Variants in DNAJC1 observed in about 807,000 individuals in gnomAD.
DNAJC1 encodes the protein dnaJ homolog subfamily C member 1.
Under a neutral mutation model 76.6 loss-of-function variants are expected in DNAJC1, and 58 were observed. That is an observed-to-expected ratio of 0.76 (90% CI 0.61 to 0.94). DNAJC1 has a LOEUF of 0.94. DNAJC1 is among the 40% of genes least tolerant of loss of function. The probability of loss-of-function intolerance (pLI) is 0.00; values close to 1 mark genes in which losing one functional copy is unlikely to be tolerated. For synonymous variants in DNAJC1, 258 were observed against 267.9 expected, an observed-to-expected ratio of 0.96 and a Z score of 0.36; for missense variants, 689 against 677.3, an observed-to-expected ratio of 1.02 and a Z score of -0.19.
chr10:21,857,978 A>C (rs753326290), intron 8 of DNAJC1, among the ~76,000 whole-genome samples: 1 of 152,194 alleles, frequency 6.6e-6, no homozygotes, highest in African/African-American at 2.4e-5. Context: ...ACATTAGTGC[A>C]ATTCTTACTG....
chr10:21,995,022 A>C (rs905944725), intron 1 of DNAJC1, among the ~76,000 whole-genome samples: 2 of 151,204 alleles, frequency 1.3e-5, no homozygotes, highest in African/African-American at 4.8e-5. Flanking sequence ...TTTAAGTCAG[A>C]AAAGAACCTA....
chr10:21,813,216 C>CTATATATA (rs1288966176), intron 8 of DNAJC1, among the ~76,000 whole-genome samples: 7 of 35,534 alleles, frequency 2.0e-4, no homozygotes, highest in African/African-American at 2.9e-4. Flanking sequence ...CTCTCTCTCT[C>CTATATATA]TCTCTATATA....
At chr10:21,896,743 G>C (rs1246064772) in intron 7 of DNAJC1, among the ~76,000 whole-genome samples, 2 of 151,988 alleles carry the variant, frequency 1.3e-5, no homozygotes, top group East Asian at 1.9e-4. Flanking sequence ...GAAGGGGGGG[G>C]TTCAGAAGTG....
At chr10:21,819,333 A>C (rs963414118) in intron 8 of DNAJC1, among the ~76,000 whole-genome samples, 4 of 152,078 alleles carry the variant, frequency 2.6e-5, no homozygotes, top group Admixed American at 2.6e-4. Context: ...CCCAGGAGGC[A>C]GAGGTTGCAG....
At chr10:21,870,707 C>G (rs1191510890) in intron 8 of DNAJC1, among the ~76,000 whole-genome samples, 1 of 151,954 alleles carries the variant, frequency 6.6e-6, no homozygotes, top group Non-Finnish European at 1.5e-5. Flanking sequence ...CCTGGGAGTT[C>G]AAGGCTGCAG....
chr10:21,921,628 T>A (rs1417237843), intron 3 of DNAJC1, among the ~76,000 whole-genome samples: 1 of 152,008 alleles, frequency 6.6e-6, no homozygotes, highest in Non-Finnish European at 1.5e-5. Context: ...AACTGTTTAT[T>A]TGTAAACAAT....
chr10:21,943,329 G>A (rs1837451476), intron 1 of DNAJC1, among the ~76,000 whole-genome samples: 1 of 152,200 alleles, frequency 6.6e-6, no homozygotes, highest in South Asian at 2.1e-4. Context: ...GGCAAGTAAA[G>A]TAGATAATTC....
chr10:21,906,360 C>A (rs556828852), intron 6 of DNAJC1, among the ~76,000 whole-genome samples: 1 of 151,674 alleles, frequency 6.6e-6, no homozygotes, highest in South Asian at 2.1e-4. Context: ...TCCCCACCCC[C>A]CTTAAAAAAA....
chr10:21,976,896 C>A (rs1838075270), intron 1 of DNAJC1, among the ~76,000 whole-genome samples: 1 of 152,150 alleles, frequency 6.6e-6, no homozygotes, highest in South Asian at 2.1e-4. Flanking sequence ...CCGGCCCACC[C>A]ACTAGGCTCC....
intron 9 of DNAJC1, among the ~76,000 whole-genome samples, chr10:21,782,106 G>A (rs2131628463): frequency 6.6e-6 from 1 of 152,250 alleles, no homozygotes; most frequent in African/African-American, 2.4e-5. Context: ...GAATCCAGAA[G>A]CTGGTTTTTT....
intron 1 of DNAJC1, among the ~76,000 whole-genome samples, chr10:21,934,994 A>G (rs2131787707): frequency 6.6e-6 from 1 of 152,300 alleles, no homozygotes; most frequent in South Asian, 2.1e-4. Flanking sequence ...AACACCAACT[A>G]TAATAAGCAG....
intron 8 of DNAJC1, among the ~76,000 whole-genome samples, chr10:21,852,284 C>A (rs1432761243): frequency 6.6e-6 from 1 of 151,944 alleles, no homozygotes; most frequent in African/African-American, 2.4e-5. Flanking sequence ...TTCATAGAGA[C>A]AAAATGCAGA....
At chr10:21,893,064 G>A (rs1250450150) in intron 7 of DNAJC1, among the ~76,000 whole-genome samples, 1 of 152,074 alleles carries the variant, frequency 6.6e-6, no homozygotes, top group Non-Finnish European at 1.5e-5. Flanking sequence ...CACCACAGCA[G>A]AATACACATT....
At chr10:21,981,469 C>A (rs1234852033) in intron 1 of DNAJC1, among the ~76,000 whole-genome samples, 1 of 152,016 alleles carries the variant, frequency 6.6e-6, no homozygotes, top group Non-Finnish European at 1.5e-5. Context: ...TTGGGCTGGG[C>A]CTTTAAGAAT....
At chr10:21,956,021 T>C (rs1837674949) in intron 1 of DNAJC1, among the ~76,000 whole-genome samples, 2 of 152,242 alleles carry the variant, frequency 1.3e-5, no homozygotes, top group Admixed American at 1.3e-4. Context: ...ATCTTTGTAT[T>C]GTGATGCTCT....
rs1294282215 is a variant in DNAJC1, at chr10:21,813,169, TCTCTCC to T, written c.979-7076_979-7071del. 1.4e-3 allele frequency among the ~76,000 whole-genome samples: 93 copies of T among 65,794 alleles called. 1 individual carries two copies. Among genetic ancestry groups the T allele is most frequent in the Non-Finnish European group, 1.6e-3 (59 of 37,264 alleles). 43.2% of individuals were successfully genotyped at this position (65,794 alleles called of 152,430 possible). On this transcript the variant is annotated intron_variant, in intron 8 of 11. Transcript: ENST00000376980. ...TTACTTGTCTCTCTCTCTCTCTCTCTCTCTCCCTCTCTCTCTCTCTCTCTCTCTCTC... is the reference window on the plus strand; with the variant it reads ...TTACTTGTCTCTCTCTCTCTCTCTCTCTCTCTCTCTCTCTCTCTCTCTCTC...
At chr10:21,804,661 A>C (rs1277657974) in intron 9 of DNAJC1, among the ~76,000 whole-genome samples, 3 of 127,304 alleles carry the variant, frequency 2.4e-5, no homozygotes, top group Admixed American at 7.7e-5. Context: ...GAAACACAGC[A>C]AAAAAAAAAA....
intron 11 of DNAJC1, among the ~76,000 whole-genome samples, chr10:21,757,590 T>A (rs965453995): frequency 6.6e-6 from 1 of 152,192 alleles, no homozygotes; most frequent in Non-Finnish European, 1.5e-5. Context: ...TTTTTCTGCA[T>A]CCCCAAAGAT....
intron 9 of DNAJC1, among the ~76,000 whole-genome samples, chr10:21,785,848 G>T (rs1178465884): frequency 6.6e-6 from 1 of 152,170 alleles, no homozygotes; most frequent in Non-Finnish European, 1.5e-5. Flanking sequence ...ACTGGAAATT[G>T]TACGACTAAG....
Sources: gnomAD v4.1 joint callset for allele counts (sites outside exome capture counted in the v4.1 genomes callset) on GRCh38, gnomAD v4.1.1 for gene constraint, MANE v1.5 for transcripts, NCBI Gene and HGNC (gene_info 2026-07-23, HGNC 2026-07-21) for gene names.